YEATS4: variants seen among roughly 807,000 people sequenced by gnomAD.
YEATS4 encodes the protein YEATS domain-containing protein 4.
YEATS4 carries 17 observed loss-of-function variants against 30.1 expected under a neutral mutation model. The ratio of observed to expected loss-of-function variants is 0.56; its 90% confidence interval spans 0.39 to 0.85. The LOEUF is 0.85. Ranked by LOEUF, YEATS4 falls within the 40% of genes least tolerant of loss-of-function variation. The pLI is 0.00. For synonymous variants in YEATS4, 85 were observed against 87.5 expected (o/e 0.97, Z 0.16); for missense variants, 142 against 268.3 (o/e 0.53, Z 3.29).
At chr12:69,398,577 A>G in the YEATS4 span, among the ~76,000 whole-genome samples, 4 of 151,552 alleles carry the variant, frequency 2.6e-5, no homozygotes, top group South Asian at 8.3e-4. Flanking sequence ...ACTTTGGGAG[A>G]CAGGGTGGGT....
the YEATS4 span, among the ~76,000 whole-genome samples, chr12:69,417,403 T>C: frequency 6.6e-6 from 1 of 151,918 alleles, no homozygotes; most frequent in African/African-American, 2.4e-5. Context: ...CAAGTAATCC[T>C]CCCGCCTCAG....
the YEATS4 span, among the ~76,000 whole-genome samples, chr12:69,425,081 G>A: frequency 7.2e-5 from 11 of 151,968 alleles, no homozygotes; most frequent in Admixed American, 5.2e-4. Context: ...CACCATGCCC[G>A]GCTACTTTTT....
chr12:69,419,014 CATAT>C, the YEATS4 span, among the ~76,000 whole-genome samples: 65 of 143,354 alleles, frequency 4.5e-4, no homozygotes, highest in East Asian at 8.0e-4. Context: ...TAATTTAAGC[CATAT>C]ATATATATAT....
At chr12:69,375,782 A>G (rs160828) in intron 6 of YEATS4, among the ~76,000 whole-genome samples, 8,994 of 152,096 alleles carry the variant, frequency 0.059, 391 homozygotes, top group African/African-American at 0.12. Flanking sequence ...CGCGCCTGCA[A>G]TCCCAGGCAC....
chr12:69,370,861 G>C (rs1463466116), intron 5 of YEATS4, 27 bp from the exon 6 acceptor site: 9 of 1,601,886 alleles, frequency 5.6e-6, no homozygotes, highest in Non-Finnish European at 6.8e-6. Flanking sequence ...TGAAGTTATT[G>C]GGTTTTTGTT....
chr12:69,407,700 G>GTCTTTTTT, the YEATS4 span, among the ~76,000 whole-genome samples: 1 of 60,472 alleles, frequency 1.7e-5, no homozygotes, highest in Non-Finnish European at 3.3e-5. Flanking sequence ...AATACTTTTT[G>GTCTTTTTT]TCTTTTTTTT....
the YEATS4 span, among the ~76,000 whole-genome samples, chr12:69,414,164 G>A: frequency 5.9e-5 from 9 of 152,100 alleles, no homozygotes; most frequent in Non-Finnish European, 8.8e-5. Context: ...TTATTCATTT[G>A]CAAAACTCAA....
Position 69,365,620 on chromosome 12 carries a change from C to G in YEATS4, c.172-13C>G. The G allele has an allele frequency of 1.3e-6, 2 of 1,578,932 alleles. No individual in the cohort carries two copies. The highest frequency in any genetic ancestry group is 1.7e-6 in the Non-Finnish European group (2 of 1,151,412). On this transcript the variant is annotated splice_polypyrimidine_tract_variant and intron_variant, in intron 2 of 6. Transcript: ENST00000247843. ...TTGTAGATCATAAAACTAACTAATTCCTTATATTTTAGGATATGTCAGCAT... is the reference window on the plus strand; with the variant it reads ...TTGTAGATCATAAAACTAACTAATTGCTTATATTTTAGGATATGTCAGCAT...
At chr12:69,405,422 C>T in the YEATS4 span, among the ~76,000 whole-genome samples, 1 of 152,144 alleles carries the variant, frequency 6.6e-6, no homozygotes, top group Non-Finnish European at 1.5e-5. Context: ...CTAAAGAAGA[C>T]CTTTAGTGAC....
Position 69,390,421 on chromosome 12 carries a change from C to T in YEATS4, c.*105C>T. On this transcript the variant is annotated 3_prime_UTR_variant, in exon 7 of 7. Transcript: ENST00000247843. ...GCTGTGATGTTTCTTAGAGGAACTT[C>T]ATATACAGCTGTTGACCATGAATTT... is the stretch of plus-strand genomic sequence containing the variant. 1.9e-6 allele frequency: 2 copies of T among 1,033,562 alleles called. No individual in the cohort carries two copies. Among genetic ancestry groups the T allele is most frequent in the Middle Eastern group, 2.3e-4 (1 of 4,422 alleles). The allele number at this position is 1,033,562 out of a possible 1,614,324, so 64.0% of individuals were successfully genotyped here. A position where few individuals can be genotyped will look rare whatever the true frequency, so the allele number is the denominator to read the frequency against.
chr12:69,367,944 AAAAT>A lies in YEATS4; in HGVS notation c.333+2065_333+2068del, dbSNP rs768387608. On this transcript the variant is annotated intron_variant, in intron 4 of 6. Coordinates refer to ENST00000247843, the MANE Select transcript of YEATS4 (RefSeq NM_006530.4). ...TCTGTTACCCCTTATCCCCAGTTGG[AAAAT>A]AAATCTATGAAAGAAATCATTGTAC... 3.9e-5 allele frequency among the ~76,000 whole-genome samples: 6 copies of A among 152,278 alleles called. No homozygotes were observed. In the South Asian group the frequency reaches 1.2e-3, roughly 32 times the overall value.
At chr12:69,380,302 T>C (rs866026369) in intron 6 of YEATS4, among the ~76,000 whole-genome samples, 2 of 152,262 alleles carry the variant, frequency 1.3e-5, no homozygotes, top group African/African-American at 4.8e-5. Context: ...TGCAGCCATA[T>C]CTGCATTAGG....
At chr12:69,420,512 G>A in the YEATS4 span, among the ~76,000 whole-genome samples, 1 of 152,092 alleles carries the variant, frequency 6.6e-6, no homozygotes, top group Non-Finnish European at 1.5e-5. Context: ...CATTGGAGAT[G>A]TGTGAAAAGA....
chr12:69,385,551 C>T (rs901680813), intron 6 of YEATS4, among the ~76,000 whole-genome samples: 3 of 151,936 alleles, frequency 2.0e-5, no homozygotes, highest in East Asian at 1.9e-4. Flanking sequence ...AAAAGGAAAC[C>T]GAGGTATAAG....
At chr12:69,394,071 G>GA (rs777879870), downstream of YEATS4, among the ~76,000 whole-genome samples, 4 of 152,068 alleles carry the variant, frequency 2.6e-5, no homozygotes, top group Admixed American at 6.5e-5. Flanking sequence ...TGGGAGGGAG[G>GA]AAAAAACAAA....
chr12:69,414,351 TC>T, the YEATS4 span, among the ~76,000 whole-genome samples: 1 of 152,094 alleles, frequency 6.6e-6, no homozygotes, highest in African/African-American at 2.4e-5. Context: ...TACCTCAGCC[TC>T]CCCAGTAGCT....
chr12:69,379,864 G>C (rs1332534301), intron 6 of YEATS4, among the ~76,000 whole-genome samples: 1 of 151,960 alleles, frequency 6.6e-6, no homozygotes, highest in Non-Finnish European at 1.5e-5. Context: ...TGTTCTGCTT[G>C]ATCAGTTCTG....
At chr12:69,399,127 A>G in the YEATS4 span, among the ~76,000 whole-genome samples, 1 of 152,108 alleles carries the variant, frequency 6.6e-6, no homozygotes, top group Non-Finnish European at 1.5e-5. Flanking sequence ...AGCCTGGGCA[A>G]CAGAGTGAGA....
rs766956858 is a variant in YEATS4, at chr12:69,359,925, A to T, written c.-48A>T. ...CTCTGAGGGGAGCGGCGACCCCGCC[A>T]GCCCCGGTCTCTTTCCCTGGCGGCG... On this transcript the variant is annotated 5_prime_UTR_variant, in exon 1 of 7. Coordinates refer to ENST00000247843, the MANE Select transcript of YEATS4 (RefSeq NM_006530.4). 2 of 1,609,544 alleles carry T rather than the reference A, an allele frequency of 1.2e-6. No homozygotes were observed. The highest frequency in any genetic ancestry group is 1.7e-4 in the Middle Eastern group (1 of 6,012).
Sources: gnomAD v4.1 joint callset for allele counts (sites outside exome capture counted in the v4.1 genomes callset) on GRCh38, gnomAD v4.1.1 for gene constraint, MANE v1.5 for transcripts, NCBI Gene and HGNC (gene_info 2026-07-23, HGNC 2026-07-21) for gene names.